SRGAP1: variants seen among roughly 807,000 people sequenced by gnomAD.
SRGAP1 encodes SLIT-ROBO Rho GTPase-activating protein 1.
In SRGAP1, 43 loss-of-function variants were observed where a neutral mutation model predicts 121.9. That is an observed-to-expected ratio of 0.35 (90% CI 0.28 to 0.46). The LOEUF is 0.46. SRGAP1 is among the 20% of genes least tolerant of loss of function. The probability of loss-of-function intolerance (pLI) is 1.00; values close to 1 mark genes in which losing one functional copy is unlikely to be tolerated. For synonymous variants in SRGAP1, 447 were observed against 485.4 expected, an observed-to-expected ratio of 0.92 and a Z score of 1.04; for missense variants, 1,102 against 1,350.9, an observed-to-expected ratio of 0.82 and a Z score of 2.89.
intron 3 of SRGAP1, among the ~76,000 whole-genome samples, chr12:64,013,152 G>A (rs543806222): frequency 1.3e-5 from 2 of 152,232 alleles, no homozygotes; most frequent in South Asian, 4.1e-4. Flanking sequence ...AGTGCATTTT[G>A]GTTTAAAGAT....
At chr12:63,992,791 T>C (rs897801045) in intron 3 of SRGAP1, among the ~76,000 whole-genome samples, 7 of 152,096 alleles carry the variant, frequency 4.6e-5, no homozygotes, top group African/African-American at 1.2e-4. Flanking sequence ...TCTCTTCTTA[T>C]CCAGATTTTC....
intron 1 of SRGAP1, among the ~76,000 whole-genome samples, chr12:63,957,341 G>A (rs183035895): frequency 1.3e-3 from 201 of 152,298 alleles, no homozygotes; most frequent in African/African-American, 4.5e-3. Flanking sequence ...ACTCACATTT[G>A]TAGGTCATCT....
chr12:63,964,205 G>A (rs1208078127), intron 1 of SRGAP1, among the ~76,000 whole-genome samples: 2 of 152,062 alleles, frequency 1.3e-5, no homozygotes, highest in African/African-American at 4.8e-5. Context: ...TATCTAATAG[G>A]ATTGGTATAG....
At chr12:64,034,477 G>A (rs1028732270) in intron 4 of SRGAP1, among the ~76,000 whole-genome samples, 14 of 152,224 alleles carry the variant, frequency 9.2e-5, no homozygotes, top group Non-Finnish European at 1.9e-4. Context: ...TATATAAATG[G>A]AAATATTGCT....
intron 10 of SRGAP1, among the ~76,000 whole-genome samples, chr12:64,086,599 C>T (rs1441300440): frequency 6.6e-6 from 1 of 151,354 alleles, no homozygotes. Flanking sequence ...ACCCATCCTT[C>T]TCGCTAACAA....
chr12:64,107,928 C>T (rs2036371247), intron 15 of SRGAP1, among the ~76,000 whole-genome samples: 1 of 152,048 alleles, frequency 6.6e-6, no homozygotes, highest in South Asian at 2.1e-4. Context: ...ACTTATGAAA[C>T]AGAAAACAGA....
At chr12:63,852,377 T>A (rs1899105714) in intron 1 of SRGAP1, among the ~76,000 whole-genome samples, 1 of 152,248 alleles carries the variant, frequency 6.6e-6, no homozygotes, top group African/African-American at 2.4e-5. Context: ...CTAGTCTTTT[T>A]ACCAGAATGA....
chr12:64,118,962 C>T (rs1245369075), intron 18 of SRGAP1, among the ~76,000 whole-genome samples: 2 of 152,308 alleles, frequency 1.3e-5, no homozygotes, highest in Non-Finnish European at 2.9e-5. Flanking sequence ...CCACCTCACC[C>T]TCCAAAAGTG....
intron 15 of SRGAP1, among the ~76,000 whole-genome samples, chr12:64,101,065 T>C (rs2036245408): frequency 6.6e-6 from 1 of 152,144 alleles, no homozygotes; most frequent in Non-Finnish European, 1.5e-5. Flanking sequence ...TAAGTTAATA[T>C]ATGATAGAAA....
intron 2 of SRGAP1, among the ~76,000 whole-genome samples, chr12:63,986,939 G>A (rs1000225934): frequency 2.0e-5 from 3 of 152,294 alleles, no homozygotes; most frequent in East Asian, 3.9e-4. Flanking sequence ...TGGGACTGAA[G>A]ATAAGATGAA....
At chr12:63,855,398 C>G (rs1899204635) in intron 1 of SRGAP1, among the ~76,000 whole-genome samples, 1 of 139,674 alleles carries the variant, frequency 7.2e-6, no homozygotes, top group Admixed American at 7.5e-5. Context: ...GGCCCTGTTT[C>G]TAATTATAAC....
At chr12:64,074,836 A>G (rs916813430) in intron 8 of SRGAP1, among the ~76,000 whole-genome samples, 3 of 152,326 alleles carry the variant, frequency 2.0e-5, no homozygotes, top group Admixed American at 1.3e-4. Flanking sequence ...AACATAGTCA[A>G]ATATTTACCT....
chr12:63,951,859 C>T (rs982517871), intron 1 of SRGAP1, among the ~76,000 whole-genome samples: 1 of 152,054 alleles, frequency 6.6e-6, no homozygotes, highest in African/African-American at 2.4e-5. Context: ...TCTTACATAA[C>T]TATATACATT....
At chr12:64,100,882 A>C (rs948960149) in intron 15 of SRGAP1, among the ~76,000 whole-genome samples, 4 of 152,128 alleles carry the variant, frequency 2.6e-5, no homozygotes, top group Non-Finnish European at 5.9e-5. Context: ...AGCATAATAC[A>C]TCTTTTATCA....
intron 6 of SRGAP1, among the ~76,000 whole-genome samples, chr12:64,053,044 G>C (rs1407205165): frequency 2.0e-5 from 3 of 152,066 alleles, no homozygotes; most frequent in Non-Finnish European, 4.4e-5. Context: ...AAATATAAAT[G>C]GCACAAATAT....
At chr12:64,126,950 A>G (rs2036698735) in intron 19 of SRGAP1, among the ~76,000 whole-genome samples, 1 of 152,212 alleles carries the variant, frequency 6.6e-6, no homozygotes, top group Admixed American at 6.5e-5. Context: ...CATAGGATTT[A>G]ATATCCTATT....
At chr12:63,884,692 G>C (rs1381926585) in intron 1 of SRGAP1, among the ~76,000 whole-genome samples, 1 of 148,816 alleles carries the variant, frequency 6.7e-6, no homozygotes, top group Non-Finnish European at 1.5e-5. Flanking sequence ...CCCTCTTCCC[G>C]CTTCCCAGTC....
intron 6 of SRGAP1, among the ~76,000 whole-genome samples, chr12:64,054,882 C>G (rs1237161633): frequency 2.9e-5 from 3 of 105,038 alleles, no homozygotes; most frequent in Non-Finnish European, 5.5e-5. Flanking sequence ...TGCTATCCCT[C>G]CCCCCTCCCC....
intron 6 of SRGAP1, among the ~76,000 whole-genome samples, chr12:64,060,401 TCTGA>T (rs371785010): frequency 6.5e-4 from 99 of 152,034 alleles, no homozygotes; most frequent in African/African-American, 2.3e-3. Flanking sequence ...AGAGACAGTG[TCTGA>T]CTATGTTACT....
Sources: allele counts gnomAD v4.1 joint callset (sites outside exome capture counted in the v4.1 genomes callset), GRCh38; gene constraint gnomAD v4.1.1; transcripts MANE v1.5; gene names NCBI Gene and HGNC (gene_info 2026-07-23, HGNC 2026-07-21).